The following CTNND2 variants were observed in gnomAD, a reference collection of about 807,000 sequenced individuals.
The protein encoded by CTNND2 is catenin delta 2, also known as catenin delta-2.
A neutral mutation model predicts 144.4 loss-of-function variants in CTNND2; 22 were observed. The ratio of observed to expected loss-of-function variants is 0.15; its 90% confidence interval spans 0.11 to 0.22. CTNND2 has a LOEUF of 0.22. CTNND2 is among the 10% of genes least tolerant of loss of function. The probability of loss-of-function intolerance (pLI) is 1.00; values close to 1 mark genes in which losing one functional copy is unlikely to be tolerated. For missense variants in CTNND2, 1,353 were observed against 1,618.8 expected (o/e 0.84, Z 2.82); for synonymous variants, 751 against 695.6 (o/e 1.08, Z -1.25).
At chr5:11,385,647 C>T (rs1165336122) in intron 6 of CTNND2, 1 of 152,100 alleles carries the variant, frequency 6.6e-6, no homozygotes, top group Non-Finnish European at 1.5e-5. Context: ...TTTTCTGTCC[C>T]CCACTCCCCA....
chr5:11,376,701 T>G (rs1362913783), intron 7 of CTNND2, among the ~76,000 whole-genome samples: 1 of 152,206 alleles, frequency 6.6e-6, no homozygotes, highest in Admixed American at 6.5e-5. Context: ...TCTAGAAGTT[T>G]CTTCAAGAGA....
chr5:10,973,600 G>C lies in CTNND2; in HGVS notation c.3531C>G (p.His1177Gln), dbSNP rs1736065644. ...YDESFFEDQV[H>Q]HRPPASEYTM... is the part of the protein sequence containing the mutation. Reference sequence around the variant, plus strand: ...TGTACTCGCTGGCGGGAGGGCGATGGTGGACCTGGTCCTCGAAGAAGGACT... The same window carrying C: ...TGTACTCGCTGGCGGGAGGGCGATGCTGGACCTGGTCCTCGAAGAAGGACT... The change falls in exon 22 of 22, where the codon CAC becomes CAG. Residue 1177 changes from histidine to glutamine, a missense_variant. His to Gln is a conservative substitution (Grantham distance 24). This residue lies in a region of CTNND2 where 459 missense variants were observed against 674.3 expected (regional missense o/e 0.68). Transcript: ENST00000304623. This position sits in a 1 kb window ranked among gnomAD's most constrained non-coding sequence, Gnocchi z 5.6. 2 of 1,614,196 alleles carry C rather than the reference G, an allele frequency of 1.2e-6. No individual in the cohort carries two copies. The highest frequency in any genetic ancestry group is 1.7e-6 in the Non-Finnish European group (2 of 1,180,022).
chr5:11,348,050 C>G (rs963641666), intron 8 of CTNND2, among the ~76,000 whole-genome samples: 3 of 151,974 alleles, frequency 2.0e-5, no homozygotes, highest in Non-Finnish European at 4.4e-5. Flanking sequence ...CGTGACATGA[C>G]AAAAATGACA....
intron 1 of CTNND2, among the ~76,000 whole-genome samples, chr5:11,902,789 G>GA (rs200399689): frequency 7.4e-4 from 111 of 149,938 alleles, no homozygotes; most frequent in African/African-American, 1.4e-3. Flanking sequence ...GAAAAGAAAA[G>GA]AAAAAAAAAC....
At chr5:11,510,472 C>T (rs1042532968) in intron 3 of CTNND2, among the ~76,000 whole-genome samples, 12 of 152,124 alleles carry the variant, frequency 7.9e-5, no homozygotes, top group Admixed American at 6.5e-5. Context: ...CTTCTGACAA[C>T]GTTTACCTTG....
chr5:11,874,727 T>C lies in CTNND2; in HGVS notation c.37+29090A>G, dbSNP rs569307834. On this transcript the variant is annotated intron_variant, in intron 1 of 21. Coordinates refer to ENST00000304623, the MANE Select transcript of CTNND2 (RefSeq NM_001332.4). ...ACTTATGAATTGCTTATTTGTGTAA[T>C]TTTCTATTTAATAGTTTTAGACCAC... 2.0e-5 allele frequency among the ~76,000 whole-genome samples: 3 copies of C among 152,326 alleles called. No homozygotes were observed. In the South Asian group the frequency reaches 6.2e-4, roughly 32 times the overall value.
At chr5:11,656,962 A>C (rs1007000912) in intron 2 of CTNND2, among the ~76,000 whole-genome samples, 5 of 152,100 alleles carry the variant, frequency 3.3e-5, no homozygotes, top group Non-Finnish European at 2.9e-5. Context: ...AAGGGCTTTG[A>C]GTTAGGAATA....
chr5:11,893,214 T>A (rs1306224133), intron 1 of CTNND2, among the ~76,000 whole-genome samples: 1 of 152,186 alleles, frequency 6.6e-6, no homozygotes, highest in Non-Finnish European at 1.5e-5. Context: ...TTTAAGAGAA[T>A]CGGCACATGG....
At chr5:11,857,972 C>T (rs1440321842) in intron 1 of CTNND2, among the ~76,000 whole-genome samples, 2 of 152,126 alleles carry the variant, frequency 1.3e-5, no homozygotes, top group African/African-American at 4.8e-5. Flanking sequence ...ACTGTGGGTT[C>T]CTTAGGGGCC....
chr5:11,139,862 A>G (rs1756541552), intron 12 of CTNND2, among the ~76,000 whole-genome samples: 1 of 152,206 alleles, frequency 6.6e-6, no homozygotes, highest in Non-Finnish European at 1.5e-5. Context: ...TGGGGGCTCC[A>G]GGGGAGAATG....
chr5:11,842,425 C>A (rs1305936630), intron 1 of CTNND2, among the ~76,000 whole-genome samples: 1 of 152,030 alleles, frequency 6.6e-6, no homozygotes, highest in Non-Finnish European at 1.5e-5. Flanking sequence ...TGGACAAAAT[C>A]TCCTTAGATA....
intron 1 of CTNND2, among the ~76,000 whole-genome samples, chr5:11,769,554 T>C (rs1246424474): frequency 6.6e-6 from 1 of 152,188 alleles, no homozygotes; most frequent in African/African-American, 2.4e-5. Flanking sequence ...GGCAATTTAT[T>C]CTACTAATAA....
chr5:11,182,718 C>A (rs1483359285), intron 11 of CTNND2, among the ~76,000 whole-genome samples: 1 of 152,202 alleles, frequency 6.6e-6, no homozygotes, highest in Non-Finnish European at 1.5e-5. Flanking sequence ...CCAAGGGTAG[C>A]TGTGGGCTGT....
rs904010417 is a variant in CTNND2, at chr5:11,879,356, T to TATATATATATATATATATATATATATAC, written c.37+24460_37+24461insGTATATATATATATATATATATATATAT. ...TTAAATGTGTGTATATATATATATA[T>TATATATATATATATATATATATATATAC]ACATATACACACACACACAAACATA... On this transcript the variant is annotated intron_variant, in intron 1 of 21. Transcript: ENST00000304623. Among the ~76,000 whole-genome samples the TATATATATATATATATATATATATATAC allele has an allele frequency of 9.2e-5, 13 of 141,416 alleles. No homozygotes were observed. In the East Asian group the frequency reaches 1.4e-3, roughly 16 times the overall value. The allele number at this position is 141,416 out of a possible 152,430, so 92.8% of individuals were successfully genotyped here.
chr5:11,636,860 CCTT>C (rs1251954563), intron 2 of CTNND2, among the ~76,000 whole-genome samples: 2 of 152,104 alleles, frequency 1.3e-5, no homozygotes, highest in African/African-American at 4.8e-5. Flanking sequence ...TGAGCAATGA[CCTT>C]CTATTTGGAA....
chr5:11,591,072 T>C (rs1779213524), intron 2 of CTNND2, among the ~76,000 whole-genome samples: 1 of 152,224 alleles, frequency 6.6e-6, no homozygotes, highest in Non-Finnish European at 1.5e-5. Flanking sequence ...TGTTAATGCA[T>C]GTTTAAGAGG....
intron 2 of CTNND2, among the ~76,000 whole-genome samples, chr5:11,730,861 A>G (rs1319789562): frequency 6.6e-6 from 1 of 152,184 alleles, no homozygotes; most frequent in Non-Finnish European, 1.5e-5. Context: ...TACTACTCAG[A>G]AGTTAGTAGC....
Position 11,880,661 on chromosome 5 carries a change from CACT to C in CTNND2, c.37+23153_37+23155del, listed in dbSNP as rs749058007. On this transcript the variant is annotated intron_variant, in intron 1 of 21. Transcript: ENST00000304623. ...CTACTACTACCACTACTACTATCAC[CACT>C]ACTACTACTCTACCACTACTACTGC... is the stretch of plus-strand genomic sequence containing the variant. Among the ~76,000 whole-genome samples the C allele has an allele frequency of 8.0e-3, 851 of 106,580 alleles. 16 individuals carry two copies. The highest frequency in any genetic ancestry group is 0.013 in the Non-Finnish European group (651 of 51,946). The allele number at this position is 106,580 out of a possible 152,430, so 69.9% of individuals were successfully genotyped here. A position where few individuals can be genotyped will look rare whatever the true frequency, so the allele number is the denominator to read the frequency against.
intron 3 of CTNND2, among the ~76,000 whole-genome samples, chr5:11,543,866 C>T (rs1021495306): frequency 6.6e-6 from 1 of 152,096 alleles, no homozygotes; most frequent in Non-Finnish European, 1.5e-5. Flanking sequence ...CCCTCATACT[C>T]GGCAGAATAA....
Sources: allele counts gnomAD v4.1 joint callset (sites outside exome capture counted in the v4.1 genomes callset), GRCh38; gene constraint gnomAD v4.1.1; regional missense constraint gnomAD v4.1.1; non-coding constraint Gnocchi (gnomAD v3.1); transcripts MANE v1.5; gene names NCBI Gene and HGNC (gene_info 2026-07-23, HGNC 2026-07-21).